DLGAP2: variants seen among roughly 807,000 people sequenced by gnomAD.
DLGAP2 encodes the protein DLG associated protein 2, also known as disks large-associated protein 2.
A neutral mutation model predicts 100.3 loss-of-function variants in DLGAP2; 26 were observed. That is an observed-to-expected ratio of 0.26 (90% confidence interval 0.19 to 0.36). DLGAP2 has a LOEUF of 0.36. Among genes scored for constraint, DLGAP2 ranks in the 10% least tolerant of loss-of-function variants. The pLI is 1.00. For missense variants in DLGAP2, 1,858 were observed against 1,453.2 expected, an observed-to-expected ratio of 1.28 and a Z score of -4.53; for synonymous variants, 886 against 630.1, an observed-to-expected ratio of 1.41 and a Z score of -6.08.
At chr8:1,433,487 G>C (rs1797518906) in intron 3 of DLGAP2, among the ~76,000 whole-genome samples, 2 of 152,356 alleles carry the variant, frequency 1.3e-5, no homozygotes, top group East Asian at 3.9e-4. Context: ...TGAGGCTGCT[G>C]TGGTGTGCAA....
chr8:816,895 G>C (rs1052492452), intron 1 of DLGAP2, among the ~76,000 whole-genome samples: 1 of 152,144 alleles, frequency 6.6e-6, no homozygotes, highest in African/African-American at 2.4e-5. Context: ...AAACTTCTTA[G>C]AGGCTTTGTT....
intron 2 of DLGAP2, among the ~76,000 whole-genome samples, chr8:1,115,710 C>T (rs1805095068): frequency 6.6e-6 from 1 of 152,138 alleles, no homozygotes; most frequent in South Asian, 2.1e-4. Flanking sequence ...GTGCTGAGAC[C>T]ACTGGCTATG....
chr8:743,536 C>T (rs1275540831), intron 1 of DLGAP2, among the ~76,000 whole-genome samples: 1 of 152,074 alleles, frequency 6.6e-6, no homozygotes, highest in African/African-American at 2.4e-5. Flanking sequence ...CACAGCCTAC[C>T]CTCAGCACTG....
intron 3 of DLGAP2, among the ~76,000 whole-genome samples, chr8:1,469,093 A>G (rs1463528602): frequency 6.6e-6 from 1 of 151,850 alleles, no homozygotes; most frequent in Non-Finnish European, 1.5e-5. Context: ...CCTGTCATTC[A>G]TTCTATGAAA....
In DLGAP2 at chr8:1,389,065, C is replaced by T. The variant is rs563901904; in HGVS notation, c.107-112301C>T. On this transcript the variant is annotated intron_variant, in intron 3 of 14. Coordinates refer to ENST00000637795, the MANE Select transcript of DLGAP2 (RefSeq NM_001346810.2). Reference sequence around the variant, plus strand: ...GGTGTCAGGGCTGTGAGAGCAGAGGCCGTGGATGAGGAGGCTCTGGTTCAG... The same window carrying T: ...GGTGTCAGGGCTGTGAGAGCAGAGGTCGTGGATGAGGAGGCTCTGGTTCAG... 4.0e-5 allele frequency among the ~76,000 whole-genome samples: 6 copies of T among 151,578 alleles called. No individual in the cohort carries two copies. The East Asian group carries it at 1.2e-3, about 30-fold the overall frequency.
At chr8:1,012,898 C>T (rs1036249296) in intron 2 of DLGAP2, among the ~76,000 whole-genome samples, 2 of 152,210 alleles carry the variant, frequency 1.3e-5, no homozygotes, top group East Asian at 1.9e-4. Context: ...GAGTATGTGT[C>T]GTGTGCCTGG....
At chr8:1,530,996 A>G (rs1475466528) in intron 4 of DLGAP2, among the ~76,000 whole-genome samples, 1 of 152,238 alleles carries the variant, frequency 6.6e-6, no homozygotes, top group African/African-American at 2.4e-5. Context: ...GGTTAGGTAC[A>G]AAAATTTGTT....
At chr8:1,617,729 A>G (rs1463310501) in intron 6 of DLGAP2, among the ~76,000 whole-genome samples, 1 of 152,126 alleles carries the variant, frequency 6.6e-6, no homozygotes, top group Non-Finnish European at 1.5e-5. Context: ...AGATCCCATT[A>G]TCTACCATAA....
intron 3 of DLGAP2, among the ~76,000 whole-genome samples, chr8:1,270,373 C>G (rs998384450): frequency 6.6e-6 from 1 of 152,194 alleles, no homozygotes; most frequent in African/African-American, 2.4e-5. Context: ...ATGAATGTGA[C>G]TTTTGATCGT....
chr8:1,310,348 C>A (rs1194535642), intron 3 of DLGAP2, among the ~76,000 whole-genome samples: 1 of 152,044 alleles, frequency 6.6e-6, no homozygotes, highest in Non-Finnish European at 1.5e-5. Flanking sequence ...GTACCAAAAT[C>A]AAAAACAGAG....
intron 12 of DLGAP2, among the ~76,000 whole-genome samples, chr8:1,687,028 C>T (rs1409463687): frequency 2.0e-5 from 3 of 152,004 alleles, no homozygotes; most frequent in South Asian, 2.1e-4. Context: ...CACACAGAAA[C>T]GTGCTCAAAA....
chr8:1,216,243 A>G (rs563806412), intron 2 of DLGAP2, among the ~76,000 whole-genome samples: 5 of 152,274 alleles, frequency 3.3e-5, no homozygotes, highest in South Asian at 4.1e-4. Flanking sequence ...TGAGGTCTCA[A>G]TTACTCTAGA....
intron 3 of DLGAP2, among the ~76,000 whole-genome samples, chr8:1,314,358 C>T (rs965738084): frequency 6.6e-6 from 1 of 152,218 alleles, no homozygotes; most frequent in African/African-American, 2.4e-5. Flanking sequence ...TGCCGTCGCA[C>T]TGTTCACCTT....
chr8:1,033,753 C>G (rs1390330446), intron 2 of DLGAP2, among the ~76,000 whole-genome samples: 1 of 150,374 alleles, frequency 6.7e-6, no homozygotes. Flanking sequence ...CACACTCATC[C>G]CGACCCCGCG....
intron 2 of DLGAP2, among the ~76,000 whole-genome samples, chr8:1,236,072 C>A (rs1798645469): frequency 1.0e-5 from 1 of 95,638 alleles, no homozygotes; most frequent in African/African-American, 4.4e-5. Context: ...GTCTAGTTCT[C>A]TCACATGGTG....
At chr8:1,634,219 T>C (rs1797716639) in intron 8 of DLGAP2, among the ~76,000 whole-genome samples, 1 of 152,208 alleles carries the variant, frequency 6.6e-6, no homozygotes. Context: ...GATAATTTAT[T>C]TGCATAAATT....
chr8:1,689,242 C>A (rs984968966), intron 12 of DLGAP2, among the ~76,000 whole-genome samples: 1 of 152,170 alleles, frequency 6.6e-6, no homozygotes, highest in African/African-American at 2.4e-5. Flanking sequence ...TAGAAAGAAA[C>A]GGACTTTCTG....
rs1584936803 is a variant in DLGAP2, at chr8:1,568,619, A to C, written c.1442+2725A>C. Reference sequence around the variant, plus strand: ...GTGGCCCCCATGCCACTGTTCACTCAGCAGACACAAATCCGTCTCTGCCCG... The same window carrying C: ...GTGGCCCCCATGCCACTGTTCACTCCGCAGACACAAATCCGTCTCTGCCCG... On this transcript the variant is annotated intron_variant, in intron 6 of 14. Transcript: ENST00000637795. Among the ~76,000 whole-genome samples, 3 of 131,158 alleles carry C rather than the reference A, an allele frequency of 2.3e-5. No homozygotes were observed. In the South Asian group the frequency reaches 8.2e-4, roughly 36 times the overall value. 86.0% of individuals were successfully genotyped at this position (131,158 alleles called of 152,430 possible).
intron 1 of DLGAP2, among the ~76,000 whole-genome samples, chr8:832,225 C>T (rs1796796988): frequency 6.6e-6 from 1 of 152,034 alleles, no homozygotes; most frequent in Non-Finnish European, 1.5e-5. Flanking sequence ...TAATTAGATC[C>T]CATTTGTCTG....
Sources: allele counts gnomAD v4.1 joint callset (sites outside exome capture counted in the v4.1 genomes callset), GRCh38; gene constraint gnomAD v4.1.1; transcripts MANE v1.5; gene names NCBI Gene and HGNC (gene_info 2026-07-23, HGNC 2026-07-21).